Variants in RHBDD1 observed in about 807,000 individuals in gnomAD.
The protein encoded by RHBDD1 is rhomboid domain containing 1.
RHBDD1 carries 38 observed loss-of-function variants against 36.3 expected under a neutral mutation model. The observed-to-expected ratio is 1.05, with a 90% CI of 0.81 to 1.37. The LOEUF (loss-of-function observed/expected upper bound fraction) is 1.37. Among genes scored for constraint, RHBDD1 ranks in the 40% most tolerant of loss-of-function variants. The probability of loss-of-function intolerance (pLI) is 0.00; values close to 1 mark genes in which losing one functional copy is unlikely to be tolerated. For synonymous variants in RHBDD1, 151 were observed against 136.5 expected (o/e 1.11, Z -0.74); for missense variants, 393 against 377.6 (o/e 1.04, Z -0.34).
At chr2:226,993,092 G>A (rs995734783) in intron 8 of RHBDD1, among the ~76,000 whole-genome samples, 6 of 152,204 alleles carry the variant, frequency 3.9e-5, no homozygotes, top group Non-Finnish European at 7.3e-5. Context: ...GTCCAAGGCC[G>A]TGTGTGCTGG....
intron 8 of RHBDD1, among the ~76,000 whole-genome samples, chr2:226,928,751 G>T (rs921444663): frequency 6.6e-6 from 1 of 151,844 alleles, no homozygotes; most frequent in Non-Finnish European, 1.5e-5. Context: ...ATCATAGACC[G>T]TTAGCTATCT....
chr2:226,852,348 G>A (rs1465183910), intron 3 of RHBDD1, among the ~76,000 whole-genome samples: 1 of 152,162 alleles, frequency 6.6e-6, no homozygotes, highest in African/African-American at 2.4e-5. Context: ...AAATGTCTGT[G>A]TGCAATGGCT....
At chr2:226,805,052 T>C in the RHBDD1 span, 1 of 152,182 alleles carries the variant, frequency 6.6e-6, no homozygotes, top group African/African-American at 2.4e-5. Flanking sequence ...ACTAGCTTTT[T>C]CTTTTTTAAT....
chr2:226,868,311 CAACA>C (rs1284493691), intron 5 of RHBDD1, among the ~76,000 whole-genome samples: 5 of 152,164 alleles, frequency 3.3e-5, no homozygotes, highest in African/African-American at 7.2e-5. Flanking sequence ...AGAGACTTAT[CAACA>C]AACAGTTTGT....
At chr2:226,985,863 A>C (rs1271344268) in intron 8 of RHBDD1, among the ~76,000 whole-genome samples, 1 of 152,194 alleles carries the variant, frequency 6.6e-6, no homozygotes, top group East Asian at 1.9e-4. Flanking sequence ...GCCCACTCCT[A>C]CCTCTTCCAG....
At chr2:226,995,175 A>G (rs570921977) in intron 8 of RHBDD1, among the ~76,000 whole-genome samples, 1 of 152,372 alleles carries the variant, frequency 6.6e-6, no homozygotes, top group Admixed American at 6.5e-5. Flanking sequence ...GATGGAAGGA[A>G]AAATACAAGT....
intron 3 of RHBDD1, among the ~76,000 whole-genome samples, chr2:226,854,910 G>A (rs1943177772): frequency 6.6e-6 from 1 of 152,106 alleles, no homozygotes; most frequent in South Asian, 2.1e-4. Flanking sequence ...AAGAGTGTAA[G>A]GTGATAAAGG....
At chr2:226,910,491 T>C (rs562799309) in intron 7 of RHBDD1, among the ~76,000 whole-genome samples, 1 of 152,220 alleles carries the variant, frequency 6.6e-6, no homozygotes, top group South Asian at 2.1e-4. Flanking sequence ...GAAAAGTCTT[T>C]ATAGGTCAAA....
At chr2:226,818,527 A>T in the RHBDD1 span, among the ~76,000 whole-genome samples, 4 of 150,222 alleles carry the variant, frequency 2.7e-5, no homozygotes, top group African/African-American at 9.8e-5. Flanking sequence ...AAAATCTGAA[A>T]TTCTAGTTTC....
chr2:226,975,664 C>T (rs779124559), intron 8 of RHBDD1, among the ~76,000 whole-genome samples: 1 of 152,184 alleles, frequency 6.6e-6, no homozygotes, highest in Non-Finnish European at 1.5e-5. Flanking sequence ...TTTATTTCTA[C>T]ATGCAGAAGG....
chr2:226,963,059 C>T (rs147985838), intron 8 of RHBDD1, among the ~76,000 whole-genome samples: 90 of 152,214 alleles, frequency 5.9e-4, no homozygotes, highest in Middle Eastern at 3.4e-3. Flanking sequence ...CCTCTACCCA[C>T]TAGACGCAAG....
At chr2:226,897,820 CAA>C (rs948451333) in intron 5 of RHBDD1, among the ~76,000 whole-genome samples, 1 of 151,856 alleles carries the variant, frequency 6.6e-6, no homozygotes, top group Non-Finnish European at 1.5e-5. Flanking sequence ...AAAAAACAAA[CAA>C]ACAAAAATTA....
At chr2:226,961,042 A>G (rs1559315246) in intron 8 of RHBDD1, among the ~76,000 whole-genome samples, 1 of 152,302 alleles carries the variant, frequency 6.6e-6, no homozygotes, top group South Asian at 2.1e-4. Context: ...GTAAAGCGTA[A>G]AAAGGGGTGG....
intron 8 of RHBDD1, among the ~76,000 whole-genome samples, chr2:226,948,564 T>TAAAAAAAAAA (rs56325989): frequency 8.5e-5 from 2 of 23,530 alleles, no homozygotes; most frequent in African/African-American, 1.8e-4. Context: ...ACTTAAAGTA[T>TAAAAAAAAAA]AAAAAAAAAA....
chr2:226,995,245 A>AAATATTTTTTAGAGTTCT (rs1959140240), intron 8 of RHBDD1, among the ~76,000 whole-genome samples, 186 bp from the exon 9 acceptor site: 1 of 152,262 alleles, frequency 6.6e-6, no homozygotes, highest in Non-Finnish European at 1.5e-5. Context: ...GAACCACTCT[A>AAATATTTTTTAGAGTTCT]AAAATATTTA....
At chr2:226,835,219 G>C (rs1004300102), upstream of RHBDD1, among the ~76,000 whole-genome samples, 3 of 152,158 alleles carry the variant, frequency 2.0e-5, no homozygotes, top group African/African-American at 7.2e-5. Flanking sequence ...CTGTAAGATA[G>C]TTTTTTCATA....
intron 7 of RHBDD1, 71 bp from the exon 8 acceptor site, chr2:226,914,137 C>A: frequency 7.1e-7 from 1 of 1,399,534 alleles, no homozygotes; most frequent in Non-Finnish European, 9.9e-7. Context: ...CTTGTCTTTG[C>A]TTATACAAAA....
At chr2:226,956,358 C>G (rs553218052) in intron 8 of RHBDD1, among the ~76,000 whole-genome samples, 47 of 152,232 alleles carry the variant, frequency 3.1e-4, no homozygotes, top group African/African-American at 1.1e-3. Flanking sequence ...CAGACACGTC[C>G]CCCCGGCCCT....
At chr2:226,959,928 T>C (rs1952060334) in intron 8 of RHBDD1, among the ~76,000 whole-genome samples, 1 of 152,160 alleles carries the variant, frequency 6.6e-6, no homozygotes, top group Admixed American at 6.5e-5. Context: ...GTTCAAGCGA[T>C]TCTCCTGCCT....
Sources: gnomAD v4.1 joint callset for allele counts (sites outside exome capture counted in the v4.1 genomes callset) on GRCh38, gnomAD v4.1.1 for gene constraint, MANE v1.5 for transcripts, NCBI Gene and HGNC (gene_info 2026-07-23, HGNC 2026-07-21) for gene names.